Variants in PLCXD3 observed in about 807,000 individuals in gnomAD.
PLCXD3 encodes PI-PLC X domain-containing protein 3.
Under a neutral mutation model 25.5 loss-of-function variants are expected in PLCXD3, and 19 were observed. The ratio of observed to expected loss-of-function variants is 0.75; its 90% CI spans 0.52 to 1.09. PLCXD3 has a LOEUF of 1.09. Among genes scored for constraint, PLCXD3 ranks in the 50% least tolerant of loss-of-function variants. The pLI, the probability that PLCXD3 is intolerant of heterozygous loss-of-function variation, is 0.00. For synonymous variants in PLCXD3, 174 were observed against 137.6 expected (o/e 1.26, Z -1.85); for missense variants, 411 against 388.1 (o/e 1.06, Z -0.50).
intron 2 of PLCXD3, among the ~76,000 whole-genome samples, chr5:41,370,554 C>A (rs1432351721): frequency 6.6e-6 from 1 of 152,174 alleles, no homozygotes; most frequent in Non-Finnish European, 1.5e-5. Flanking sequence ...CTTACAGCAA[C>A]TCCTTGCCCT....
chr5:41,491,274 T>C (rs754666188), intron 1 of PLCXD3, among the ~76,000 whole-genome samples: 1 of 152,252 alleles, frequency 6.6e-6, no homozygotes, highest in Non-Finnish European at 1.5e-5. Flanking sequence ...TGAGTTATAG[T>C]TTGATTGCAC....
At chr5:41,487,253 T>C (rs1748540281) in intron 1 of PLCXD3, among the ~76,000 whole-genome samples, 1 of 152,184 alleles carries the variant, frequency 6.6e-6, no homozygotes. Flanking sequence ...GGATAGTCTT[T>C]ATTGAAATGT....
chr5:41,412,228 T>C (rs1295701597), intron 1 of PLCXD3, among the ~76,000 whole-genome samples: 2 of 152,172 alleles, frequency 1.3e-5, no homozygotes, highest in Admixed American at 1.3e-4. Context: ...ACCAAATGCA[T>C]TGGGTTACAA....
At chr5:41,337,242 A>G (rs1256895671) in intron 2 of PLCXD3, among the ~76,000 whole-genome samples, 1 of 152,156 alleles carries the variant, frequency 6.6e-6, no homozygotes, top group African/African-American at 2.4e-5. Context: ...ACTTATTGTC[A>G]GTGACCACAG....
chr5:41,431,474 G>A (rs1329268805), intron 1 of PLCXD3, among the ~76,000 whole-genome samples: 2 of 152,104 alleles, frequency 1.3e-5, no homozygotes, highest in African/African-American at 4.8e-5. Flanking sequence ...TCACTTTCAT[G>A]ATGAATTTAT....
chr5:41,433,557 C>T (rs1332757523), intron 1 of PLCXD3, among the ~76,000 whole-genome samples: 2 of 152,114 alleles, frequency 1.3e-5, no homozygotes, highest in African/African-American at 4.8e-5. Context: ...TCTCAGTAAC[C>T]TCTGAGAGCA....
chr5:41,403,394 A>T lies in PLCXD3; in HGVS notation c.104-20860T>A, dbSNP rs372779857. ...ATATGCCATTTACCCAGATTGACTT[A>T]TTTGTTGTTTTTTTTTTTTTTTATT... On this transcript the variant is annotated intron_variant, in intron 1 of 2. Transcript: ENST00000377801. 2.2e-3 allele frequency among the ~76,000 whole-genome samples: 35 copies of T among 15,672 alleles called. 1 individual carries two copies. The highest frequency in any genetic ancestry group is 3.6e-3 in the Non-Finnish European group (21 of 5,810). The allele number at this position is 15,672 out of a possible 152,430, so 10.3% of individuals were successfully genotyped here. A position where few individuals can be genotyped will look rare whatever the true frequency, so the allele number is the denominator to read the frequency against.
rs148152161 is a variant in PLCXD3 at position 41,401,835 on chromosome 5, C to T, written c.104-19301G>A. On this transcript the variant is annotated intron_variant, in intron 1 of 2. Coordinates refer to ENST00000377801, the MANE Select transcript of PLCXD3 (RefSeq NM_001005473.3). ...CTTAACTAACTTTTGGTAATAGTTG[C>T]CTTTCAAAAAAATCTGTACATTTAC... 6.8e-4 allele frequency among the ~76,000 whole-genome samples: 104 copies of T among 151,874 alleles called. 1 individual carries two copies. The East Asian group carries it at 0.02, about 28-fold the overall frequency.
At chr5:41,485,841 C>A (rs1473728702) in intron 1 of PLCXD3, among the ~76,000 whole-genome samples, 1 of 152,196 alleles carries the variant, frequency 6.6e-6, no homozygotes, top group African/African-American at 2.4e-5. Flanking sequence ...ATAGTTAAGT[C>A]AGGTTTCTAC....
intron 1 of PLCXD3, among the ~76,000 whole-genome samples, chr5:41,500,293 G>A (rs1338570921): frequency 6.6e-6 from 1 of 151,812 alleles, no homozygotes; most frequent in African/African-American, 2.4e-5. Context: ...GGAAGTAGAG[G>A]TCACATTATC....
At chr5:41,408,557 A>G (rs1746423281) in intron 1 of PLCXD3, among the ~76,000 whole-genome samples, 1 of 152,214 alleles carries the variant, frequency 6.6e-6, no homozygotes, top group Non-Finnish European at 1.5e-5. Context: ...ATCTGAACTA[A>G]ACTTTTTTTT....
intron 1 of PLCXD3, among the ~76,000 whole-genome samples, chr5:41,493,389 A>G (rs1035646683): frequency 6.6e-6 from 1 of 152,114 alleles, no homozygotes; most frequent in Non-Finnish European, 1.5e-5. Context: ...GGGGTCAGGG[A>G]CCCACTTGAG....
At chr5:41,415,931 A>G (rs1275053248) in intron 1 of PLCXD3, among the ~76,000 whole-genome samples, 1 of 152,174 alleles carries the variant, frequency 6.6e-6, no homozygotes, top group East Asian at 1.9e-4. Flanking sequence ...GTAGTGCCTC[A>G]AGGCTAGTAA....
At chr5:41,314,577 G>T (rs1743233226) in intron 2 of PLCXD3, among the ~76,000 whole-genome samples, 1 of 152,202 alleles carries the variant, frequency 6.6e-6, no homozygotes, top group South Asian at 2.1e-4. Context: ...ATAGGCCTCA[G>T]TGATAAAGGG....
intron 2 of PLCXD3, among the ~76,000 whole-genome samples, chr5:41,329,765 A>G (rs1034119819): frequency 6.7e-6 from 1 of 150,170 alleles, no homozygotes; most frequent in African/African-American, 2.4e-5. Context: ...AAAGTTTATT[A>G]GAATTAATTT....
intron 1 of PLCXD3, among the ~76,000 whole-genome samples, chr5:41,408,429 A>T (rs1215392460): frequency 6.6e-6 from 1 of 152,170 alleles, no homozygotes; most frequent in African/African-American, 2.4e-5. Flanking sequence ...ATACATGTTG[A>T]CACACATACT....
intron 2 of PLCXD3, among the ~76,000 whole-genome samples, chr5:41,345,435 C>T (rs1429784412): frequency 6.6e-6 from 1 of 152,062 alleles, no homozygotes; most frequent in Non-Finnish European, 1.5e-5. Flanking sequence ...TATTCTGGGT[C>T]TGGTTTATCT....
chr5:41,478,330 T>C (rs1748324863), intron 1 of PLCXD3, among the ~76,000 whole-genome samples: 1 of 152,182 alleles, frequency 6.6e-6, no homozygotes, highest in Non-Finnish European at 1.5e-5. Context: ...AGTTTAAAGC[T>C]AAAAGGTTTT....
chr5:41,424,298 C>T lies in PLCXD3; in HGVS notation c.104-41764G>A, dbSNP rs200179993. ...GTGGCTCACGCCTGTAATCCCAGCA[C>T]TTTGAGAGGCCGAGGCGGGCAGATC... On this transcript the variant is annotated intron_variant, in intron 1 of 2. Coordinates refer to ENST00000377801, the MANE Select transcript of PLCXD3 (RefSeq NM_001005473.3). 3.3e-4 allele frequency among the ~76,000 whole-genome samples: 51 copies of T among 152,278 alleles called. No homozygotes were observed. In the East Asian group the frequency reaches 6.2e-3, roughly 18 times the overall value.
Sources: gnomAD v4.1 joint callset for allele counts (sites outside exome capture counted in the v4.1 genomes callset) on GRCh38, gnomAD v4.1.1 for gene constraint, MANE v1.5 for transcripts, NCBI Gene and HGNC (gene_info 2026-07-23, HGNC 2026-07-21) for gene names.